Variants in MYZAP observed in about 807,000 individuals in gnomAD.
The protein encoded by MYZAP is myocardial zonula adherens protein.
A neutral mutation model predicts 69.4 loss-of-function variants in MYZAP; 66 were observed. The ratio of observed to expected loss-of-function variants is 0.95; its 90% CI spans 0.78 to 1.17. The LOEUF is 1.17. MYZAP is among the 50% of genes most tolerant of loss of function. The pLI is 0.00. For missense variants in MYZAP, 611 were observed against 556.2 expected, an observed-to-expected ratio of 1.10 and a Z score of -0.99; for synonymous variants, 256 against 205.9, an observed-to-expected ratio of 1.24 and a Z score of -2.09.
intron 5 of MYZAP, among the ~76,000 whole-genome samples, chr15:57,629,484 G>A (rs776175553): frequency 3.9e-5 from 6 of 152,150 alleles, no homozygotes; most frequent in Non-Finnish European, 7.4e-5. Context: ...GGGATGGTAT[G>A]GGAGAGGTTT....
At chr15:57,668,894 A>ATATATT (rs1252525814) in intron 11 of MYZAP, among the ~76,000 whole-genome samples, 4 of 62,608 alleles carry the variant, frequency 6.4e-5, no homozygotes, top group African/African-American at 1.6e-4. Context: ...ATATATATAT[A>ATATATT]TTTTTTTTTT....
At chr15:57,612,275 C>A (rs1360614096) in intron 2 of MYZAP, among the ~76,000 whole-genome samples, 6 of 152,106 alleles carry the variant, frequency 3.9e-5, no homozygotes, top group Non-Finnish European at 1.5e-5. Flanking sequence ...CCTTCTCAAC[C>A]ATATTGGCAG....
At chr15:57,636,132 G>GT (rs2036804441) in intron 8 of MYZAP, among the ~76,000 whole-genome samples, 2 of 151,068 alleles carry the variant, frequency 1.3e-5, no homozygotes, top group Admixed American at 1.3e-4. Context: ...TTTCTTTCTT[G>GT]TTTTTTGTTT....
chr15:57,621,884 G>T (rs2035842076), intron 4 of MYZAP, among the ~76,000 whole-genome samples, 184 bp downstream of exon 4: 1 of 152,102 alleles, frequency 6.6e-6, no homozygotes, highest in South Asian at 2.1e-4. Flanking sequence ...AATTTTTATG[G>T]TAAGAATAAT....
At chr15:57,651,879 G>T (rs1390315348) in intron 10 of MYZAP, among the ~76,000 whole-genome samples, 3 of 152,112 alleles carry the variant, frequency 2.0e-5, no homozygotes, top group African/African-American at 4.8e-5. Flanking sequence ...GGTACCCGGG[G>T]GAGCCAGAGT....
intron 8 of MYZAP, 107 bp from the exon 9 acceptor site, chr15:57,637,588 G>C (rs2036887522): frequency 2.4e-6 from 3 of 1,236,268 alleles, no homozygotes; most frequent in Admixed American, 2.2e-5. Context: ...GTAAAACCCA[G>C]GGGGTGTCAT....
At chr15:57,598,813 G>A (rs939153711) in intron 1 of MYZAP, among the ~76,000 whole-genome samples, 1 of 152,144 alleles carries the variant, frequency 6.6e-6, no homozygotes, top group Non-Finnish European at 1.5e-5. Context: ...TGTGTGTTTG[G>A]CACAGACTAG....
intron 11 of MYZAP, among the ~76,000 whole-genome samples, chr15:57,667,330 C>T (rs1247113807): frequency 2.0e-5 from 3 of 152,234 alleles, no homozygotes; most frequent in Non-Finnish European, 4.4e-5. Context: ...GACCGCCAAA[C>T]ATTCGTGACA....
intron 7 of MYZAP, among the ~76,000 whole-genome samples, chr15:57,633,396 A>G (rs2036621949): frequency 1.3e-5 from 2 of 152,184 alleles, no homozygotes; most frequent in Admixed American, 1.3e-4. Context: ...AGGGAAAAAA[A>G]TGTAGTGAGG....
rs1408043596 is a variant in MYZAP at position 57,674,963 on chromosome 15, T to C, written c.1204-5T>C. The C allele has an allele frequency of 6.2e-7, 1 of 1,609,090 alleles. No individual in the cohort carries two copies. Among genetic ancestry groups the C allele is most frequent in the Non-Finnish European group, 8.5e-7 (1 of 1,178,224 alleles). ...ACTGAAAGTACCTTTTTTTCTCATCTCCAGAATAATGAACTACAAAGCAGG... is the reference window on the plus strand; with the variant it reads ...ACTGAAAGTACCTTTTTTTCTCATCCCCAGAATAATGAACTACAAAGCAGG... On this transcript the variant is annotated splice_region_variant and splice_polypyrimidine_tract_variant and intron_variant, in intron 11 of 12. Transcript: ENST00000267853.
chr15:57,622,904 C>A (rs2035903719), intron 4 of MYZAP, among the ~76,000 whole-genome samples: 1 of 152,096 alleles, frequency 6.6e-6, no homozygotes, highest in African/African-American at 2.4e-5. Context: ...ATGTCAAAGT[C>A]AAATGACCGG....
At chr15:57,597,803 C>T (rs1298953827) in intron 1 of MYZAP, among the ~76,000 whole-genome samples, 3 of 152,208 alleles carry the variant, frequency 2.0e-5, no homozygotes, top group African/African-American at 4.8e-5. Flanking sequence ...CACAGCAGAG[C>T]CAAGAGGTCT....
intron 11 of MYZAP, among the ~76,000 whole-genome samples, chr15:57,670,351 T>G (rs2140599594): frequency 6.6e-6 from 1 of 152,184 alleles, no homozygotes; most frequent in East Asian, 1.9e-4. Context: ...GTCCCTACCT[T>G]TGTCAATACT....
chr15:57,676,020 G>T (rs115886589), intron 12 of MYZAP, among the ~76,000 whole-genome samples: 319 of 152,174 alleles, frequency 2.1e-3, no homozygotes, highest in African/African-American at 7.5e-3. Context: ...GTGGGAAGTA[G>T]TGACGAGCCG....
chr15:57,593,188 G>GCGCGCACACACA lies in MYZAP; in HGVS notation c.75+1080_75+1081insGCGCACACACAC, dbSNP rs1555454573. On this transcript the variant is annotated intron_variant, in intron 1 of 12. Transcript: ENST00000267853. ...AGACACTTAGGTTGTGTACACAGGCGCACACACACACACACACACACACAC... is the reference window on the plus strand; with the variant it reads ...AGACACTTAGGTTGTGTACACAGGCGCGCGCACACACACACACACACACACACACACACACAC... 1.6e-3 allele frequency among the ~76,000 whole-genome samples: 179 copies of GCGCGCACACACA among 114,200 alleles called. 5 individuals carry two copies. Among genetic ancestry groups the GCGCGCACACACA allele is most frequent in the African/African-American group, 5.5e-3 (163 of 29,732 alleles). The allele number at this position is 114,200 out of a possible 152,430, so 74.9% of individuals were successfully genotyped here.
chr15:57,648,116 C>CA (rs5812906), intron 10 of MYZAP: 974,220 of 979,388 alleles, frequency 0.99, 484,730 homozygotes, highest in East Asian at 1. Context: ...TGGTATTATT[C>CA]CTTATTTATT....
intron 4 of MYZAP, 75 bp downstream of exon 4, chr15:57,621,775 T>A: frequency 7.2e-7 from 1 of 1,388,684 alleles, no homozygotes; most frequent in Non-Finnish European, 1.0e-6. Context: ...GGCTAGTGCC[T>A]AAAGATATTA....
At chr15:57,620,697 G>A (rs1000606185) in intron 3 of MYZAP, among the ~76,000 whole-genome samples, 1 of 152,184 alleles carries the variant, frequency 6.6e-6, no homozygotes, top group African/African-American at 2.4e-5. Flanking sequence ...GGGCTCCCCA[G>A]GGTTCATATT....
At chr15:57,676,165 G>T (rs1261718538) in intron 12 of MYZAP, among the ~76,000 whole-genome samples, 11 of 151,862 alleles carry the variant, frequency 7.2e-5, no homozygotes, top group African/African-American at 2.7e-4. Flanking sequence ...AACTGCTCAG[G>T]CCTCTACCAG....
Sources: gnomAD v4.1 joint callset for allele counts (sites outside exome capture counted in the v4.1 genomes callset) on GRCh38, gnomAD v4.1.1 for gene constraint, MANE v1.5 for transcripts, NCBI Gene and HGNC (gene_info 2026-07-23, HGNC 2026-07-21) for gene names.